IRAK3: variants seen among roughly 807,000 people sequenced by gnomAD.
IRAK3 encodes interleukin-1 receptor-associated kinase 3.
IRAK3 carries 57 observed loss-of-function variants against 56.6 expected under a neutral mutation model. That is an observed-to-expected ratio of 1.01 (90% CI 0.81 to 1.26). The LOEUF is 1.26. Among genes scored for constraint, IRAK3 ranks in the 50% most tolerant of loss-of-function variants. The probability of loss-of-function intolerance (pLI) is 0.00; values close to 1 mark genes in which losing one functional copy is unlikely to be tolerated. For synonymous variants in IRAK3, 258 were observed against 255.7 expected (o/e 1.01, Z -0.09); for missense variants, 703 against 719.0 (o/e 0.98, Z 0.25).
intron 3 of IRAK3, 45 bp downstream of exon 3, chr12:66,209,565 T>C (rs992401551): frequency 6.9e-6 from 8 of 1,166,244 alleles, no homozygotes; most frequent in Admixed American, 3.4e-5. Context: ...CTTTGTTGCA[T>C]GTATAATTGA....
chr12:66,239,159 T>C (rs1403990358), intron 8 of IRAK3, among the ~76,000 whole-genome samples: 1 of 152,240 alleles, frequency 6.6e-6, no homozygotes, highest in Admixed American at 6.5e-5. Context: ...ATAATCTTGG[T>C]GAACATTTCT....
chr12:66,234,213 C>T, intron 8 of IRAK3: 1 of 1,614,022 alleles, frequency 6.2e-7, no homozygotes, highest in Non-Finnish European at 8.5e-7. Context: ...CCTTGCATAG[C>T]TGACGTTGCA....
intron 8 of IRAK3, among the ~76,000 whole-genome samples, chr12:66,240,220 A>G (rs1416208325): frequency 2.6e-5 from 4 of 152,216 alleles, no homozygotes; most frequent in African/African-American, 4.8e-5. Flanking sequence ...AGTAAGCAGT[A>G]TCAGATCTTT....
Position 66,251,875 on chromosome 12 carries a change from T to C in IRAK3, c.*3704T>C, listed in dbSNP as rs1356039397. 2 of 152,226 alleles carry C rather than the reference T, an allele frequency of 1.3e-5. No individual in the cohort carries two copies. Among genetic ancestry groups the C allele is most frequent in the East Asian group, 3.8e-4 (2 of 5,200 alleles). 9.4% of individuals were successfully genotyped at this position (152,226 alleles called of 1,614,324 possible). ...CCCAAGTCAACAGTTCAGTGACATC[T>C]GTTATTTGAACCACACACCAATGCA... On this transcript the variant is annotated 3_prime_UTR_variant, in exon 12 of 12. Transcript: ENST00000261233.
In IRAK3 at chr12:66,248,740, A is replaced by G. The variant is rs1282755751; in HGVS notation, c.*569A>G. On this transcript the variant is annotated 3_prime_UTR_variant, in exon 12 of 12. Coordinates refer to ENST00000261233, the MANE Select transcript of IRAK3 (RefSeq NM_007199.3). ...AGCCAGGTTCACCCTTAGCTACGGC[A>G]TGCTCTGGGTTGAAAGGGGATTTCT... 6.5e-6 allele frequency: 1 copy of G among 153,134 alleles called. No individual in the cohort carries two copies. The highest frequency in any genetic ancestry group is 2.4e-5 in the African/African-American group (1 of 41,452). The allele number at this position is 153,134 out of a possible 1,614,324, so 9.5% of individuals were successfully genotyped here. A position where few individuals can be genotyped will look rare whatever the true frequency, so the allele number is the denominator to read the frequency against.
At position 66,248,851 on chromosome 12, in the gene IRAK3, T is replaced by C. The variant is rs1039844514; in HGVS notation, c.*680T>C. On this transcript the variant is annotated 3_prime_UTR_variant, in exon 12 of 12. Transcript: ENST00000261233. ...TTTTAAAAACAGACTTAGTGACCTA[T>C]TATATCTTAAGGAGACTATGTGAAA... is the stretch of plus-strand genomic sequence containing the variant. 2 of 152,220 alleles carry C rather than the reference T, an allele frequency of 1.3e-5. No homozygotes were observed. The highest frequency in any genetic ancestry group is 4.8e-5 in the African/African-American group (2 of 41,454). 9.4% of individuals were successfully genotyped at this position (152,220 alleles called of 1,614,324 possible). A position where few individuals can be genotyped will look rare whatever the true frequency, so the allele number is the denominator to read the frequency against.
intron 1 of IRAK3, among the ~76,000 whole-genome samples, chr12:66,190,071 G>C (rs2052384990): frequency 6.6e-6 from 1 of 152,192 alleles, no homozygotes; most frequent in Non-Finnish European, 1.5e-5. Flanking sequence ...TGCTGGAAGT[G>C]TTGAGTGTAG....
At chr12:66,225,442 C>T (rs2052776024) in intron 6 of IRAK3, among the ~76,000 whole-genome samples, 1 of 151,820 alleles carries the variant, frequency 6.6e-6, no homozygotes, top group African/African-American at 2.4e-5. Flanking sequence ...GAATCAGAAT[C>T]CCCCTCCCCC....
intron 5 of IRAK3, among the ~76,000 whole-genome samples, chr12:66,215,785 T>TGCACGTGCACGTGCGCGCACGC (rs150339586): frequency 3.2e-5 from 1 of 31,176 alleles, no homozygotes; most frequent in Non-Finnish European, 6.5e-5. Context: ...TAACCCAACA[T>TGCACGTGCACGTGCGCGCACGC]GCACACACAC....
chr12:66,231,856 T>C (rs751987229), intron 8 of IRAK3, among the ~76,000 whole-genome samples: 3 of 152,198 alleles, frequency 2.0e-5, no homozygotes, highest in Non-Finnish European at 4.4e-5. Flanking sequence ...CTGACTAGGC[T>C]GAGGAACTAG....
Position 66,248,160 on chromosome 12 carries a change from A to G in IRAK3, c.1780A>G (p.Lys594Glu). The change falls in exon 12 of 12, where the codon AAA (lysine) becomes GAA (glutamate). Residue 594 changes from lysine to glutamate, a missense_variant. Coordinates refer to ENST00000261233, the MANE Select transcript of IRAK3 (RefSeq NM_007199.3). Reference protein sequence around the residue: ...KFSWDEYEQYKKE With the variant: ...KFSWDEYEQYEKE ...TTCCTGGGATGAATATGAACAGTAC[A>G]AAAAAGAATAAATTCTACCAGAAGA... 1 of 1,610,948 alleles carries G rather than the reference A, an allele frequency of 6.2e-7. No individual in the cohort carries two copies. Among genetic ancestry groups the G allele is most frequent in the Non-Finnish European group, 8.5e-7 (1 of 1,177,326 alleles).
intron 7 of IRAK3, among the ~76,000 whole-genome samples, chr12:66,227,649 C>T (rs944035852): frequency 6.6e-6 from 1 of 151,858 alleles, no homozygotes; most frequent in Non-Finnish European, 1.5e-5. Context: ...GTCCCAGCTA[C>T]TTCAGAGGCG....
In IRAK3 at chr12:66,253,187, T is replaced by C. The variant is rs1391129492; in HGVS notation, c.*5016T>C. On this transcript the variant is annotated 3_prime_UTR_variant, in exon 12 of 12. Transcript: ENST00000261233. ...TCATCTAGATTGCACCCGAAGTTTATCTTTCTAGTATTCAGAATATAATCA... is the reference window on the plus strand; with the variant it reads ...TCATCTAGATTGCACCCGAAGTTTACCTTTCTAGTATTCAGAATATAATCA... 1 of 152,256 alleles carries C rather than the reference T, an allele frequency of 6.6e-6. No individual in the cohort carries two copies. Among genetic ancestry groups the C allele is most frequent in the Non-Finnish European group, 1.5e-5 (1 of 68,048 alleles). The allele number at this position is 152,256 out of a possible 1,614,324, so 9.4% of individuals were successfully genotyped here. A position where few individuals can be genotyped will look rare whatever the true frequency, so the allele number is the denominator to read the frequency against.
At chr12:66,196,910 T>C (rs2052459109) in intron 1 of IRAK3, 3 of 1,533,912 alleles carry the variant, frequency 2.0e-6, no homozygotes, top group Non-Finnish European at 2.6e-6. Flanking sequence ...GAGAATGGAG[T>C]CTTAATTTTG....
Position 66,203,965 on chromosome 12 carries a change from A to C in IRAK3, c.316+72A>C. On this transcript the variant is annotated intron_variant, in intron 2 of 11. Transcript: ENST00000261233. ...TGTAATTTGTAAATTCGAATATTGC[A>C]TTTTATCCAAGACATTGACTCATGC... The C allele has an allele frequency of 3.0e-6, 4 of 1,314,608 alleles. No homozygotes were observed. In the Admixed American group the frequency reaches 6.7e-5, roughly 22 times the overall value. The allele number at this position is 1,314,608 out of a possible 1,614,324, so 81.4% of individuals were successfully genotyped here.
chr12:66,243,764 A>G (rs1187732987), intron 8 of IRAK3, among the ~76,000 whole-genome samples: 1 of 152,182 alleles, frequency 6.6e-6, no homozygotes, highest in Non-Finnish European at 1.5e-5. Flanking sequence ...TCCTGGCTGT[A>G]TGCAGTGGGA....
At chr12:66,235,615 G>T (rs1481389857) in intron 8 of IRAK3, among the ~76,000 whole-genome samples, 2 of 151,032 alleles carry the variant, frequency 1.3e-5, no homozygotes, top group Non-Finnish European at 2.9e-5. Context: ...CAGCGCCGCC[G>T]CGTCCTCCGA....
At chr12:66,207,407 G>C (rs1289678810) in intron 2 of IRAK3, among the ~76,000 whole-genome samples, 2 of 151,820 alleles carry the variant, frequency 1.3e-5, no homozygotes, top group African/African-American at 4.8e-5. Context: ...GGGAGGTGGA[G>C]GTTGCAGTGA....
intron 8 of IRAK3, among the ~76,000 whole-genome samples, chr12:66,229,760 C>T (rs1270619008): frequency 6.6e-6 from 1 of 152,214 alleles, no homozygotes; most frequent in Non-Finnish European, 1.5e-5. Flanking sequence ...TGGCCACCCA[C>T]AACCTAAAAC....
Sources: gnomAD v4.1 joint callset for allele counts (sites outside exome capture counted in the v4.1 genomes callset) on GRCh38, gnomAD v4.1.1 for gene constraint, MANE v1.5 for transcripts, NCBI Gene and HGNC (gene_info 2026-07-23, HGNC 2026-07-21) for gene names.